Variants in GRIA3 observed in about 807,000 individuals in gnomAD.
The protein encoded by GRIA3 is glutamate ionotropic receptor AMPA type subunit 3.
In GRIA3, 3 loss-of-function variants were observed where a neutral mutation model predicts 63.0. That is an observed-to-expected ratio of 0.05 (90% CI 0.02 to 0.12). The LOEUF (loss-of-function observed/expected upper bound fraction) is 0.12. GRIA3 is among the 10% of genes least tolerant of loss of function. GRIA3 has a pLI of 1.00. For synonymous variants in GRIA3, 274 were observed against 257.9 expected (o/e 1.06, Z -0.60); for missense variants, 347 against 700.9 (o/e 0.50, Z 5.70).
intron 2 of GRIA3, among the ~76,000 whole-genome samples, chrX:123,191,695 G>A (rs1432381078): frequency 9.0e-6 from 1 of 110,525 alleles, no homozygotes; most frequent in Admixed American, 9.6e-5. Context: ...TTTCTACCCC[G>A]GACTTTTCCA....
chrX:123,315,571 T>C (rs770013066), intron 3 of GRIA3, among the ~76,000 whole-genome samples: 65 of 112,571 alleles, frequency 5.8e-4, no homozygotes, highest in Non-Finnish European at 4.3e-4. Flanking sequence ...TGAATAGTAA[T>C]AGCCTGAAGT....
intron 5 of GRIA3, among the ~76,000 whole-genome samples, chrX:123,380,951 TTG>T (rs2045320819): frequency 9.0e-6 from 1 of 111,410 alleles, no homozygotes; most frequent in African/African-American, 3.3e-5. Flanking sequence ...GATCAGATAG[TTG>T]TGGATATGTG....
intron 4 of GRIA3, among the ~76,000 whole-genome samples, chrX:123,347,112 T>C (rs1161916222): frequency 1.8e-5 from 2 of 112,283 alleles, no homozygotes; most frequent in Non-Finnish European, 3.8e-5. Context: ...GCCCCCTGTA[T>C]TTCGCTGAAA....
At chrX:123,440,624 GC>G (rs2045669151) in intron 12 of GRIA3, among the ~76,000 whole-genome samples, 3 of 112,450 alleles carry the variant, frequency 2.7e-5, no homozygotes, top group African/African-American at 9.7e-5. Context: ...CATGGCCTTT[GC>G]CCACTTTTTA....
chrX:123,371,428 GACCTATTTTC>G (rs1346751161), intron 5 of GRIA3, among the ~76,000 whole-genome samples: 3 of 109,659 alleles, frequency 2.7e-5, no homozygotes, highest in African/African-American at 1.0e-4. Context: ...TCTTATAGAC[GACCTATTTTC>G]AGTTTTTTAA....
At chrX:123,289,422 A>T (rs1203596960) in intron 3 of GRIA3, among the ~76,000 whole-genome samples, 1 of 90,138 alleles carries the variant, frequency 1.1e-5, no homozygotes, top group African/African-American at 6.3e-5. Context: ...GTATAATTTA[A>T]AAAAAATATA....
chrX:123,248,452 C>T (rs2044371125), intron 2 of GRIA3, among the ~76,000 whole-genome samples: 1 of 112,271 alleles, frequency 8.9e-6, no homozygotes, highest in Non-Finnish European at 1.9e-5. Flanking sequence ...ACAAATATTT[C>T]TTCCATCACC....
chrX:123,450,285 C>G (rs1288808355), intron 12 of GRIA3, among the ~76,000 whole-genome samples: 2 of 112,138 alleles, frequency 1.8e-5, no homozygotes, highest in East Asian at 5.6e-4. Flanking sequence ...GGTTTCAAAG[C>G]TGAACCAAGA....
At chrX:123,452,420 T>A (rs961251349) in intron 12 of GRIA3, among the ~76,000 whole-genome samples, 3 of 110,597 alleles carry the variant, frequency 2.7e-5, no homozygotes, top group Non-Finnish European at 5.7e-5. Context: ...CCAAGCAAAT[T>A]GCTTCTTCTT....
chrX:123,371,187 A>G (rs778389153), intron 5 of GRIA3, among the ~76,000 whole-genome samples: 1 of 110,476 alleles, frequency 9.1e-6, no homozygotes, highest in African/African-American at 3.3e-5. Context: ...CTCCAGTTCC[A>G]TCCATGTTGT....
chrX:123,395,119 C>T lies in GRIA3; in HGVS notation c.902C>T (p.Ala301Val), dbSNP rs777684993. The T allele has an allele frequency of 5.8e-6, 7 of 1,206,593 alleles. No homozygotes were observed. Among genetic ancestry groups the T allele is most frequent in the Middle Eastern group, 4.7e-4 (2 of 4,276 alleles). ...DEREFPEAKN[A>V]PLKYTSALTH... is the part of the protein sequence containing the mutation. ...AGGGAATTCCCTGAAGCCAAGAATG[C>T]ACCACTAAAGGTAATGTTCCATGGC... The change falls in exon 6 of 16, where the codon GCA (alanine) becomes GTA (valine). Residue 301 changes from alanine to valine, a missense_variant. By Grantham distance (64) the Ala-to-Val change is moderately conservative. Around this residue, in one of 8 missense-constraint regions of GRIA3, gnomAD observed 65 missense variants for 145.8 expected, o/e 0.45. Coordinates refer to ENST00000620443, the MANE Select transcript of GRIA3 (RefSeq NM_007325.5).
chrX:123,219,731 G>A (rs922900722), intron 2 of GRIA3, among the ~76,000 whole-genome samples: 4 of 112,156 alleles, frequency 3.6e-5, no homozygotes, highest in African/African-American at 6.5e-5. Flanking sequence ...GGGCCTCCGG[G>A]TCCTTGCTCC....
intron 3 of GRIA3, among the ~76,000 whole-genome samples, chrX:123,260,405 ACAGACAGACAGACAGAC>A (rs2044445718): frequency 8.9e-5 from 1 of 11,195 alleles, no homozygotes; most frequent in Non-Finnish European, 1.9e-4. Context: ...AGAAAGAAAG[ACAGACAGACAGACAGAC>A]AGACAGAAAG....
At chrX:123,197,715 T>G (rs965499524) in intron 2 of GRIA3, among the ~76,000 whole-genome samples, 2 of 112,120 alleles carry the variant, frequency 1.8e-5, no homozygotes, top group Admixed American at 9.4e-5. Flanking sequence ...GATAAAAATA[T>G]TGAATCCTTG....
intron 2 of GRIA3, among the ~76,000 whole-genome samples, chrX:123,217,928 G>A (rs1340874643): frequency 2.7e-5 from 3 of 112,532 alleles, no homozygotes; most frequent in African/African-American, 9.7e-5. Context: ...CAAGATAAAA[G>A]AGCTTCATCT....
rs1603066014 is a variant in GRIA3, at chrX:123,280,550, C to T, written c.508+27008C>T. Among the ~76,000 whole-genome samples, 3 of 111,994 alleles carry T rather than the reference C, an allele frequency of 2.7e-5. No homozygotes were observed. In the Admixed American group the frequency reaches 2.8e-4, roughly 11 times the overall value. On this transcript the variant is annotated intron_variant, in intron 3 of 15. Transcript: ENST00000620443. The stretch of plus-strand genomic sequence containing the variant: ...AGCTGCAACTACAAGAATGTTGAAA[C>T]AACGTATCTAGTTTGGTCTACTTTT...
At chrX:123,280,571 C>T (rs974241451) in intron 3 of GRIA3, among the ~76,000 whole-genome samples, 1 of 112,005 alleles carries the variant, frequency 8.9e-6, no homozygotes, top group African/African-American at 3.2e-5. Context: ...GTTTGGTCTA[C>T]TTTTGGCATA....
chrX:123,369,058 A>G (rs750723497), intron 5 of GRIA3, among the ~76,000 whole-genome samples: 1 of 111,143 alleles, frequency 9.0e-6, no homozygotes, highest in East Asian at 2.8e-4. Context: ...AGCAAAAAGG[A>G]GCCACTAACT....
chrX:123,384,461 C>A (rs769367760), intron 5 of GRIA3, among the ~76,000 whole-genome samples: 2 of 111,731 alleles, frequency 1.8e-5, no homozygotes, highest in South Asian at 7.5e-4. Context: ...CCCGTCTCTA[C>A]TAAAAATACA....
Sources: gnomAD v4.1 joint callset for allele counts (sites outside exome capture counted in the v4.1 genomes callset) on GRCh38, gnomAD v4.1.1 for gene constraint, gnomAD v4.1.1 regional missense constraint, MANE v1.5 for transcripts, NCBI Gene and HGNC (gene_info 2026-07-23, HGNC 2026-07-21) for gene names.